IRAK2: variants seen among roughly 807,000 people sequenced by gnomAD.
The protein encoded by IRAK2 is interleukin 1 receptor associated kinase 2.
Under a neutral mutation model 72.0 loss-of-function variants are expected in IRAK2, and 57 were observed. The ratio of observed to expected loss-of-function variants is 0.79; its 90% confidence interval spans 0.64 to 0.99. IRAK2 has a LOEUF of 0.99. Ranked by LOEUF, IRAK2 falls within the 50% of genes least tolerant of loss-of-function variation. The probability of loss-of-function intolerance (pLI) is 0.00; values close to 1 mark genes in which losing one functional copy is unlikely to be tolerated. For synonymous variants in IRAK2, 293 were observed against 312.7 expected, an observed-to-expected ratio of 0.94 and a Z score of 0.67; for missense variants, 790 against 794.4, an observed-to-expected ratio of 0.99 and a Z score of 0.07.
chr3:10,187,740 T>G (rs1396707764), intron 2 of IRAK2, among the ~76,000 whole-genome samples: 1 of 152,202 alleles, frequency 6.6e-6, no homozygotes, highest in East Asian at 1.9e-4. Context: ...GGTACTCCTT[T>G]TCATTTGATA....
chr3:10,180,794 C>G (rs572957714), intron 2 of IRAK2, among the ~76,000 whole-genome samples: 2 of 152,158 alleles, frequency 1.3e-5, no homozygotes, highest in South Asian at 4.1e-4. Flanking sequence ...GGTGGACGTG[C>G]AGGTGGAGAG....
At position 10,165,842 on chromosome 3, in the gene IRAK2, T is replaced by C. The variant is rs949217483; in HGVS notation, c.94+794T>C. On this transcript the variant is annotated intron_variant, in intron 1 of 12. Coordinates refer to ENST00000256458, the MANE Select transcript of IRAK2 (RefSeq NM_001570.4). ...GCCTCCCGGGTTCACGCCATTCTCC[T>C]GCCTCAGCCTTCTGAGTAGCTGGGA... is the stretch of plus-strand genomic sequence containing the variant. Among the ~76,000 whole-genome samples, 8 of 150,872 alleles carry C rather than the reference T, an allele frequency of 5.3e-5. 1 individual carries two copies. The South Asian group carries it at 1.5e-3, about 28-fold the overall frequency.
chr3:10,200,139 C>T (rs1050438276), intron 2 of IRAK2, among the ~76,000 whole-genome samples: 29 of 152,080 alleles, frequency 1.9e-4, no homozygotes, highest in African/African-American at 6.3e-4. Flanking sequence ...CCACCCACCT[C>T]GGCCTCCCAA....
chr3:10,200,156 G>C (rs750730296), intron 2 of IRAK2, among the ~76,000 whole-genome samples: 3 of 152,022 alleles, frequency 2.0e-5, no homozygotes, highest in Non-Finnish European at 2.9e-5. Context: ...CCAAAGTGCT[G>C]GGATTACAGG....
chr3:10,182,954 T>C (rs918011018), intron 2 of IRAK2, among the ~76,000 whole-genome samples: 4 of 151,966 alleles, frequency 2.6e-5, no homozygotes, highest in Non-Finnish European at 5.9e-5. Flanking sequence ...GAATTTTTAA[T>C]AGAGATGGGG....
At position 10,215,751 on chromosome 3, in the gene IRAK2, T is replaced by TACACACACACACACACAC. The variant is rs145978380; in HGVS notation, c.789-1177_789-1160dup. Among the ~76,000 whole-genome samples the TACACACACACACACACAC allele has an allele frequency of 3.7e-3, 558 of 150,120 alleles. 3 individuals are homozygous for TACACACACACACACACAC. The highest frequency in any genetic ancestry group is 0.013 in the African/African-American group (532 of 40,846). The stretch of plus-strand genomic sequence containing the variant: ...ACATGTATATGAATACTCACATGTG[T>TACACACACACACACACAC]ACACACACACACACACACACACAGA... On this transcript the variant is annotated intron_variant, in intron 6 of 12. Transcript: ENST00000256458.
chr3:10,219,464 A>G (rs1442402288), intron 7 of IRAK2, among the ~76,000 whole-genome samples: 3 of 151,782 alleles, frequency 2.0e-5, no homozygotes, highest in African/African-American at 4.8e-5. Context: ...GACTACAGGC[A>G]GCCGCCACCA....
In IRAK2 at chr3:10,209,574, G is replaced by A. The variant is rs1187688662; in HGVS notation, c.425-15G>A. ...CCCCGAGGCTGCATCCTGACCCATA[G>A]TCCCTCCTTTCCAGGGTCCTCTCCA... On this transcript the variant is annotated splice_polypyrimidine_tract_variant and intron_variant, in intron 3 of 12. Coordinates refer to ENST00000256458, the MANE Select transcript of IRAK2 (RefSeq NM_001570.4). 2 of 1,526,338 alleles carry A rather than the reference G, an allele frequency of 1.3e-6. No individual in the cohort carries two copies. Among genetic ancestry groups the A allele is most frequent in the East Asian group, 5.1e-5 (2 of 39,224 alleles). The allele number at this position is 1,526,338 out of a possible 1,614,324, so 94.5% of individuals were successfully genotyped here.
intron 1 of IRAK2, among the ~76,000 whole-genome samples, chr3:10,176,306 G>A (rs1303813591): frequency 6.6e-6 from 1 of 151,812 alleles, no homozygotes; most frequent in South Asian, 2.1e-4. Flanking sequence ...TATCTTTTTT[G>A]TTGTTGTTTT....
intron 1 of IRAK2, among the ~76,000 whole-genome samples, chr3:10,165,268 C>T (rs1157506464): frequency 6.6e-6 from 1 of 152,194 alleles, no homozygotes; most frequent in African/African-American, 2.4e-5. Flanking sequence ...GCAGGGGCCG[C>T]CGCCACTGCG....
intron 4 of IRAK2, 36 bp downstream of exon 4, chr3:10,209,728 G>C: frequency 7.8e-7 from 1 of 1,278,356 alleles, no homozygotes. Flanking sequence ...CCCAAGCCAT[G>C]TCTCCCAGCG....
intron 2 of IRAK2, among the ~76,000 whole-genome samples, chr3:10,182,287 CTTTTTTTT>C (rs564399732): frequency 7.8e-6 from 1 of 128,722 alleles, no homozygotes; most frequent in South Asian, 2.5e-4. Flanking sequence ...TTCTTTTTTT[CTTTTTTTT>C]TTTTTGGGAC....
intron 4 of IRAK2, 98 bp from the exon 5 acceptor site, chr3:10,213,109 C>T: frequency 3.1e-6 from 3 of 974,880 alleles, no homozygotes; most frequent in Non-Finnish European, 4.7e-6. Context: ...TAAGTTGATC[C>T]CCTCCATCCC....
intron 2 of IRAK2, among the ~76,000 whole-genome samples, chr3:10,180,703 G>T (rs992294600): frequency 1.1e-4 from 16 of 152,108 alleles, no homozygotes; most frequent in Admixed American, 3.3e-4. Context: ...TCCAGGAGGG[G>T]GGACTGGGAG....
intron 2 of IRAK2, among the ~76,000 whole-genome samples, chr3:10,195,154 G>A (rs165498): frequency 0.049 from 7,388 of 152,274 alleles, 275 homozygotes; most frequent in African/African-American, 0.1. Context: ...TCTTCCCCAC[G>A]GGTGGAGCCC....
intron 2 of IRAK2, among the ~76,000 whole-genome samples, chr3:10,190,588 T>C (rs1310006365): frequency 6.6e-6 from 1 of 151,848 alleles, no homozygotes; most frequent in African/African-American, 2.4e-5. Flanking sequence ...ATGAACAGAG[T>C]GTGGAATGCC....
chr3:10,200,346 C>G (rs1697337485), intron 2 of IRAK2, 23 bp from the exon 3 acceptor site: 1 of 1,565,980 alleles, frequency 6.4e-7, no homozygotes, highest in Non-Finnish European at 8.7e-7. Flanking sequence ...ATAGTAATAA[C>G]TTTCTTTCCA....
At chr3:10,228,075 G>A (rs958664482) in intron 10 of IRAK2, among the ~76,000 whole-genome samples, 1 of 151,932 alleles carries the variant, frequency 6.6e-6, no homozygotes. Context: ...CTTGTCTCAC[G>A]CCCCTCAGTG....
chr3:10,212,599 G>C (rs1294136326), intron 4 of IRAK2, among the ~76,000 whole-genome samples: 4 of 152,026 alleles, frequency 2.6e-5, no homozygotes, highest in Admixed American at 1.3e-4. Context: ...CATGTGCCAG[G>C]AATACTCACA....
Sources: allele counts gnomAD v4.1 joint callset (sites outside exome capture counted in the v4.1 genomes callset), GRCh38; gene constraint gnomAD v4.1.1; transcripts MANE v1.5; gene names NCBI Gene and HGNC (gene_info 2026-07-23, HGNC 2026-07-21).